The following SRSF12 variants were observed in gnomAD, a reference collection of about 807,000 sequenced individuals.
SRSF12 encodes serine/arginine-rich splicing factor 12.
SRSF12 carries 21 observed loss-of-function variants against 34.1 expected under a neutral mutation model. The ratio of observed to expected loss-of-function variants is 0.62; its 90% CI spans 0.44 to 0.89. The LOEUF is 0.89. Ranked by LOEUF, SRSF12 falls within the 40% of genes least tolerant of loss-of-function variation. SRSF12 has a pLI of 0.00. For missense variants in SRSF12, 278 were observed against 327.8 expected (o/e 0.85, Z 1.17); for synonymous variants, 111 against 110.8 (o/e 1.00, Z -0.01).
At chr6:89,107,100 G>A (rs72915636) in intron 2 of SRSF12, 54 bp downstream of exon 2, 304,564 of 1,420,178 alleles carry the variant, frequency 0.21, 36,382 homozygotes, top group Non-Finnish European at 0.25. Flanking sequence ...ATACATATAT[G>A]TATAAGCACG....
intron 2 of SRSF12, chr6:89,106,609 A>C (rs1768799750): frequency 6.2e-6 from 1 of 161,564 alleles, no homozygotes; most frequent in African/African-American, 2.4e-5. Context: ...GAGGTTGTTC[A>C]CTGGTTTAAT....
At chr6:89,112,572 C>A (rs972010977) in intron 1 of SRSF12, among the ~76,000 whole-genome samples, 2 of 148,770 alleles carry the variant, frequency 1.3e-5, no homozygotes, top group Admixed American at 1.3e-4. Flanking sequence ...ATCACCATGC[C>A]CGGCTAACTT....
intron 1 of SRSF12, among the ~76,000 whole-genome samples, chr6:89,111,782 A>G (rs560550449): frequency 6.6e-6 from 1 of 152,264 alleles, no homozygotes; most frequent in African/African-American, 2.4e-5. Context: ...GCTGACATTT[A>G]TTAGGTTAAG....
intron 1 of SRSF12, among the ~76,000 whole-genome samples, chr6:89,111,854 G>A (rs1231065291): frequency 1.3e-5 from 2 of 151,868 alleles, no homozygotes; most frequent in Non-Finnish European, 2.9e-5. Flanking sequence ...TTGGAGACAG[G>A]GTCTCAGGTC....
At chr6:89,113,274 T>C (rs1769139205) in intron 1 of SRSF12, among the ~76,000 whole-genome samples, 1 of 152,072 alleles carries the variant, frequency 6.6e-6, no homozygotes, top group Admixed American at 6.6e-5. Flanking sequence ...CCCAGGTTCA[T>C]GCGATTCTTC....
At chr6:89,111,962 C>CT (rs1286049307) in intron 1 of SRSF12, among the ~76,000 whole-genome samples, 1 of 152,164 alleles carries the variant, frequency 6.6e-6, no homozygotes, top group Admixed American at 6.5e-5. Flanking sequence ...ATTATTTTTC[C>CT]TAAGCTACAT....
In SRSF12 at chr6:89,098,584, A is replaced by G. The variant is rs913583391; in HGVS notation, c.780T>C (p.Ser260=). ...SRSRSYRHKN[S]W is the part of the protein sequence containing the mutation. ...GTGCTCTTTCTGTTGCTGTTCACCAACTGTTTTTATGACGATAACTTCGAG... is the reference window on the plus strand; with the variant it reads ...GTGCTCTTTCTGTTGCTGTTCACCAGCTGTTTTTATGACGATAACTTCGAG... The change falls in exon 5 of 5, where the codon AGT becomes AGC. Residue 260 remains serine, a synonymous_variant. Coordinates refer to ENST00000452027, the MANE Select transcript of SRSF12 (RefSeq NM_080743.5). The G allele has an allele frequency of 3.1e-6, 5 of 1,608,306 alleles. No individual in the cohort carries two copies. The highest frequency in any genetic ancestry group is 1.7e-5 in the Admixed American group (1 of 59,740).
intron 1 of SRSF12, among the ~76,000 whole-genome samples, chr6:89,107,615 C>T (rs769513488): frequency 6.6e-6 from 1 of 152,050 alleles, no homozygotes; most frequent in Non-Finnish European, 1.5e-5. Flanking sequence ...CCTGTAGTCC[C>T]AGCTACTCGG....
chr6:89,100,326 C>G (rs1007916208), intron 4 of SRSF12, among the ~76,000 whole-genome samples: 1 of 152,176 alleles, frequency 6.6e-6, no homozygotes, highest in African/African-American at 2.4e-5. Flanking sequence ...CCCAGAAGGG[C>G]TACAATCTAG....
intron 2 of SRSF12, chr6:89,106,871 G>A (rs936611475): frequency 5.4e-5 from 24 of 442,074 alleles, no homozygotes; most frequent in Non-Finnish European, 3.9e-5. Context: ...CCCTCTTCCA[G>A]GTCTTTATAT....
intron 1 of SRSF12, among the ~76,000 whole-genome samples, chr6:89,107,576 CA>C (rs1409690776): frequency 2.0e-5 from 3 of 151,890 alleles, no homozygotes; most frequent in Non-Finnish European, 4.4e-5. Context: ...CAAAAAAATA[CA>C]AAAATCAGCC....
At chr6:89,112,662 T>A (rs1769115193) in intron 1 of SRSF12, among the ~76,000 whole-genome samples, 1 of 152,084 alleles carries the variant, frequency 6.6e-6, no homozygotes, top group South Asian at 2.1e-4. Context: ...TCCTCCTGCC[T>A]TGGCCTCCCA....
intron 4 of SRSF12, among the ~76,000 whole-genome samples, chr6:89,100,166 T>C (rs1768471966): frequency 6.6e-6 from 1 of 152,186 alleles, no homozygotes; most frequent in Admixed American, 6.5e-5. Context: ...TTCTAAGTTG[T>C]GTGTGTATGG....
chr6:89,112,421 C>A (rs1412101518), intron 1 of SRSF12, among the ~76,000 whole-genome samples: 1 of 148,584 alleles, frequency 6.7e-6, no homozygotes, highest in Non-Finnish European at 1.5e-5. Context: ...AAATTAATTT[C>A]TTTCTAGTCT....
intron 4 of SRSF12, among the ~76,000 whole-genome samples, chr6:89,099,464 G>A (rs1231279548): frequency 4.5e-5 from 6 of 134,808 alleles, no homozygotes; most frequent in East Asian, 2.2e-4. Flanking sequence ...GTGTATATAT[G>A]TGTGTGTATA....
Position 89,107,255 on chromosome 6 carries a change from A to T in SRSF12, c.69T>A (p.Pro23=). Residue 23 remains proline (P), a synonymous_variant, in exon 2 of 5, where the codon CCT becomes CCA. Transcript: ENST00000452027. ...GACCAAACTCACGGCGCAAGTCCTC[A>T]GGCCTGAAGTGTTTTAGAAATAAGG... is the stretch of plus-strand genomic sequence containing the variant. ...FIRNVADATR[P]EDLRREFGRY... The T allele has an allele frequency of 6.2e-7, 1 of 1,611,602 alleles. No homozygotes were observed.
chr6:89,112,616 T>C (rs1769113237), intron 1 of SRSF12, among the ~76,000 whole-genome samples: 3 of 151,960 alleles, frequency 2.0e-5, no homozygotes, highest in African/African-American at 7.3e-5. Flanking sequence ...CTTGCTATGT[T>C]GCCCAGGCTG....
In SRSF12 at chr6:89,104,275, C is replaced by T. The variant is rs1264414510; in HGVS notation, c.416+844G>A. ...GTTTTGAGACGGAGTCTCGCTCTGT[C>T]GCTCAGGCTGGAGTGCAATGGCGTG... On this transcript the variant is annotated intron_variant, in intron 4 of 4. Transcript: ENST00000452027. Among the ~76,000 whole-genome samples, 11 of 141,978 alleles carry T rather than the reference C, an allele frequency of 7.7e-5. No homozygotes were observed. In the East Asian group the frequency reaches 8.2e-4, roughly 11 times the overall value. The allele number at this position is 141,978 out of a possible 152,430, so 93.1% of individuals were successfully genotyped here. A position where few individuals can be genotyped will look rare whatever the true frequency, so the allele number is the denominator to read the frequency against.
intron 4 of SRSF12, among the ~76,000 whole-genome samples, chr6:89,104,531 C>T (rs77020359): frequency 0.08 from 12,174 of 151,978 alleles, 1,234 homozygotes; most frequent in African/African-American, 0.24. Flanking sequence ...CCACTGCACG[C>T]GGCTGAGTAT....
Sources: gnomAD v4.1 joint callset for allele counts (sites outside exome capture counted in the v4.1 genomes callset) on GRCh38, gnomAD v4.1.1 for gene constraint, MANE v1.5 for transcripts, NCBI Gene and HGNC (gene_info 2026-07-23, HGNC 2026-07-21) for gene names.